Variants in CFAP299 observed in about 807,000 individuals in gnomAD.
CFAP299 encodes the protein cilia- and flagella-associated protein 299.
In CFAP299, 21 loss-of-function variants were observed where a neutral mutation model predicts 27.0. The ratio of observed to expected loss-of-function variants is 0.78; its 90% CI spans 0.55 to 1.12. CFAP299 has a LOEUF of 1.12. Ranked by LOEUF, CFAP299 falls within the 50% of genes most tolerant of loss-of-function variation. The pLI is 0.00. For missense variants in CFAP299, 310 were observed against 276.6 expected, an observed-to-expected ratio of 1.12 and a Z score of -0.86; for synonymous variants, 104 against 98.1, an observed-to-expected ratio of 1.06 and a Z score of -0.36.
chr4:80,322,351 C>G, the CFAP299 span, among the ~76,000 whole-genome samples: 2 of 152,090 alleles, frequency 1.3e-5, no homozygotes, highest in Non-Finnish European at 2.9e-5. Flanking sequence ...TCACAACATC[C>G]CAGGTTTTAG....
chr4:80,677,329 C>A (rs1448402732), intron 3 of CFAP299, among the ~76,000 whole-genome samples: 2 of 151,890 alleles, frequency 1.3e-5, no homozygotes, highest in Non-Finnish European at 2.9e-5. Context: ...ATGATTTATG[C>A]TTTTGACTGC....
At chr4:80,548,500 C>T (rs535923473) in intron 2 of CFAP299, among the ~76,000 whole-genome samples, 1 of 152,208 alleles carries the variant, frequency 6.6e-6, no homozygotes, top group East Asian at 1.9e-4. Context: ...GCAATTTACC[C>T]AGGTAATTGC....
intron 3 of CFAP299, among the ~76,000 whole-genome samples, chr4:80,737,231 T>C (rs1162844588): frequency 1.3e-5 from 2 of 151,506 alleles, no homozygotes; most frequent in East Asian, 3.9e-4. Flanking sequence ...AGTTAGTGGG[T>C]GCAGCGCACC....
chr4:80,914,440 C>T (rs74909023), intron 4 of CFAP299, among the ~76,000 whole-genome samples: 10,111 of 152,052 alleles, frequency 0.066, 707 homozygotes, highest in African/African-American at 0.16. Flanking sequence ...TTGTCCTGTG[C>T]ATTGTAGGAT....
chr4:80,668,532 C>T (rs1741259012), intron 3 of CFAP299, among the ~76,000 whole-genome samples: 1 of 152,108 alleles, frequency 6.6e-6, no homozygotes, highest in Admixed American at 6.6e-5. Flanking sequence ...TATCCAGTTT[C>T]TCCAGCTCCA....
At chr4:80,629,998 G>A (rs1739124174) in intron 3 of CFAP299, among the ~76,000 whole-genome samples, 1 of 151,980 alleles carries the variant, frequency 6.6e-6, no homozygotes, top group African/African-American at 2.4e-5. Context: ...ATGTTTAGGT[G>A]GAATAAATTC....
intron 4 of CFAP299, among the ~76,000 whole-genome samples, chr4:80,901,591 T>C (rs1030649181): frequency 6.6e-6 from 1 of 152,186 alleles, no homozygotes; most frequent in Non-Finnish European, 1.5e-5. Context: ...TTTTATTTAC[T>C]TGTAGTTTTA....
chr4:80,675,522 C>T (rs946087858), intron 3 of CFAP299, among the ~76,000 whole-genome samples: 2 of 152,208 alleles, frequency 1.3e-5, no homozygotes, highest in Non-Finnish European at 2.9e-5. Context: ...GCAGTCTGTC[C>T]GTTCTCAGAG....
chr4:80,322,318 G>A, the CFAP299 span, among the ~76,000 whole-genome samples: 1 of 152,154 alleles, frequency 6.6e-6, no homozygotes, highest in Non-Finnish European at 1.5e-5. Flanking sequence ...AGCAACAACA[G>A]CAACAACAAC....
intron 2 of CFAP299, among the ~76,000 whole-genome samples, chr4:80,481,136 C>A (rs982752300): frequency 2.6e-5 from 4 of 151,886 alleles, no homozygotes; most frequent in African/African-American, 9.7e-5. Flanking sequence ...GTAGAGGCAG[C>A]CAACAGACTT....
At chr4:80,702,852 C>T (rs72864835) in intron 3 of CFAP299, among the ~76,000 whole-genome samples, 3 of 151,786 alleles carry the variant, frequency 2.0e-5, no homozygotes, top group Non-Finnish European at 3.0e-5. Context: ...TGATTTGTGG[C>T]GTATCTCTGT....
At chr4:80,493,893 A>G (rs1036730573) in intron 2 of CFAP299, among the ~76,000 whole-genome samples, 5 of 146,582 alleles carry the variant, frequency 3.4e-5, no homozygotes, top group Non-Finnish European at 7.4e-5. Context: ...CTCCTGCCTC[A>G]GCCTCCCGAG....
chr4:80,950,168 G>A (rs1737698325), intron 5 of CFAP299, among the ~76,000 whole-genome samples: 1 of 152,118 alleles, frequency 6.6e-6, no homozygotes, highest in African/African-American at 2.4e-5. Flanking sequence ...GTGTGTGTGA[G>A]AGAGGAGAGA....
rs554398105 is a variant in CFAP299, at chr4:80,445,568, A to G, written c.242+82684A>G. On this transcript the variant is annotated intron_variant, in intron 2 of 5. Coordinates refer to ENST00000358105, the MANE Select transcript of CFAP299 (RefSeq NM_152770.3). ...GGGATAGTGTTAAGAAAAATACCTA[A>G]TGTAGATGACGGGTTGATGCGTGGA... Among the ~76,000 whole-genome samples the G allele has an allele frequency of 3.3e-5, 5 of 152,264 alleles. No homozygotes were observed. The East Asian group carries it at 9.7e-4, about 29-fold the overall frequency.
At position 80,442,754 on chromosome 4, in the gene CFAP299, G is replaced by A. The variant is rs182975659; in HGVS notation, c.242+79870G>A. ...AAAAAATCAATGAATCCAGGAGCTG[G>A]TTTTTTGAAAAGATTAACAAAATAG... On this transcript the variant is annotated intron_variant, in intron 2 of 5. Coordinates refer to ENST00000358105, the MANE Select transcript of CFAP299 (RefSeq NM_152770.3). Among the ~76,000 whole-genome samples, 479 of 152,202 alleles carry A rather than the reference G, an allele frequency of 3.1e-3. 4 individuals carry two copies. Among genetic ancestry groups the A allele is most frequent in the African/African-American group, 0.011 (461 of 41,536 alleles).
intron 3 of CFAP299, among the ~76,000 whole-genome samples, chr4:80,629,927 G>A (rs1358006722): frequency 2.0e-5 from 3 of 150,586 alleles, no homozygotes; most frequent in Non-Finnish European, 4.4e-5. Flanking sequence ...TTTAAAAATT[G>A]TAGAGAATAG....
At chr4:80,753,923 A>G (rs1414710000) in intron 3 of CFAP299, among the ~76,000 whole-genome samples, 2 of 152,158 alleles carry the variant, frequency 1.3e-5, no homozygotes, top group African/African-American at 4.8e-5. Flanking sequence ...TTCCACTAGA[A>G]TCTTTAACAC....
chr4:80,600,172 A>AATATATTAG (rs1359690509), intron 3 of CFAP299, among the ~76,000 whole-genome samples: 1 of 152,102 alleles, frequency 6.6e-6, no homozygotes, highest in Non-Finnish European at 1.5e-5. Flanking sequence ...CAGTTTCTGC[A>AATATATTAG]ATATATTAGG....
At chr4:80,888,085 T>C in intron 4 of CFAP299, among the ~76,000 whole-genome samples, 1 of 151,892 alleles carries the variant, frequency 6.6e-6, no homozygotes, top group East Asian at 1.9e-4. Flanking sequence ...GAGAAGACCA[T>C]TAAGCAACCA....
Sources: gnomAD v4.1 joint callset for allele counts (sites outside exome capture counted in the v4.1 genomes callset) on GRCh38, gnomAD v4.1.1 for gene constraint, MANE v1.5 for transcripts, NCBI Gene and HGNC (gene_info 2026-07-23, HGNC 2026-07-21) for gene names.